The following TMEM117 variants were observed in gnomAD, a reference collection of about 807,000 sequenced individuals.
TMEM117 encodes transmembrane protein 117.
Under a neutral mutation model 52.4 loss-of-function variants are expected in TMEM117, and 27 were observed. That is an observed-to-expected ratio of 0.51 (90% confidence interval 0.38 to 0.71). TMEM117 has a LOEUF of 0.71. TMEM117 is among the 30% of genes least tolerant of loss of function. TMEM117 has a pLI of 0.00. For synonymous variants in TMEM117, 215 were observed against 206.3 expected (o/e 1.04, Z -0.36); for missense variants, 556 against 630.5 (o/e 0.88, Z 1.26).
At chr12:43,930,873 G>C (rs1944860688) in intron 2 of TMEM117, among the ~76,000 whole-genome samples, 1 of 152,172 alleles carries the variant, frequency 6.6e-6, no homozygotes, top group African/African-American at 2.4e-5. Context: ...TTGCAGGAAG[G>C]AGGAAATCAG....
At chr12:43,815,554 G>A in the TMEM117 span, among the ~76,000 whole-genome samples, 1 of 152,192 alleles carries the variant, frequency 6.6e-6, no homozygotes, top group African/African-American at 2.4e-5. Flanking sequence ...AAAATACCAG[G>A]AAACAGCAAC....
intron 3 of TMEM117, among the ~76,000 whole-genome samples, chr12:44,135,496 T>C (rs1948476858): frequency 6.6e-6 from 1 of 152,162 alleles, no homozygotes; most frequent in African/African-American, 2.4e-5. Flanking sequence ...ACAGTTCCCT[T>C]CTCCCTTCCC....
At chr12:43,812,614 T>A in the TMEM117 span, among the ~76,000 whole-genome samples, 10,065 of 152,270 alleles carry the variant, frequency 0.066, 409 homozygotes, top group Middle Eastern at 0.099. Context: ...AGGTTCTTGT[T>A]TCTGCTCCCG....
intron 3 of TMEM117, among the ~76,000 whole-genome samples, chr12:44,012,054 A>G (rs1419244944): frequency 1.3e-5 from 2 of 152,202 alleles, no homozygotes; most frequent in Non-Finnish European, 2.9e-5. Context: ...CTGTTGACAG[A>G]GGGCAACTGA....
intron 2 of TMEM117, among the ~76,000 whole-genome samples, chr12:43,894,206 G>T (rs776022083): frequency 2.2e-4 from 33 of 152,086 alleles, no homozygotes; most frequent in Admixed American, 2.0e-4. Flanking sequence ...GCCACCTTGG[G>T]GACAGCTACC....
At chr12:44,216,253 G>A (rs563166197) in intron 5 of TMEM117, among the ~76,000 whole-genome samples, 15 of 152,010 alleles carry the variant, frequency 9.9e-5, no homozygotes, top group East Asian at 3.9e-4. Flanking sequence ...CGATCTGCCC[G>A]CCTTGGCCTC....
At chr12:44,282,936 T>C (rs1169308518) in intron 5 of TMEM117, among the ~76,000 whole-genome samples, 1 of 152,204 alleles carries the variant, frequency 6.6e-6, no homozygotes, top group Non-Finnish European at 1.5e-5. Flanking sequence ...TGGTGCCCTG[T>C]GACCCAGCCA....
chr12:43,858,344 A>G (rs1943433997), intron 2 of TMEM117, among the ~76,000 whole-genome samples: 1 of 151,894 alleles, frequency 6.6e-6, no homozygotes, highest in South Asian at 2.1e-4. Context: ...TTAGGACCGG[A>G]TTGTGCTAGG....
chr12:44,266,219 A>G (rs1950375715), intron 5 of TMEM117, among the ~76,000 whole-genome samples: 1 of 152,160 alleles, frequency 6.6e-6, no homozygotes, highest in Non-Finnish European at 1.5e-5. Context: ...TGCTTACCAA[A>G]CTGGCTATAG....
At chr12:44,209,408 A>G (rs1263073457) in intron 4 of TMEM117, among the ~76,000 whole-genome samples, 1 of 152,108 alleles carries the variant, frequency 6.6e-6, no homozygotes, top group Non-Finnish European at 1.5e-5. Flanking sequence ...CTGTAATTTA[A>G]AAGGATCAAG....
intron 3 of TMEM117, among the ~76,000 whole-genome samples, chr12:43,981,678 A>G (rs1223445054): frequency 6.6e-6 from 1 of 152,244 alleles, no homozygotes; most frequent in Non-Finnish European, 1.5e-5. Context: ...AAAAGATACA[A>G]GTGTTTGCAA....
rs1450324723 is a variant in TMEM117 at position 44,170,159 on chromosome 12, C to T, written c.510+26535C>T. Among the ~76,000 whole-genome samples the T allele has an allele frequency of 7.2e-5, 11 of 151,912 alleles. No homozygotes were observed. In the East Asian group the frequency reaches 2.1e-3, roughly 29 times the overall value. On this transcript the variant is annotated intron_variant, in intron 4 of 7. Transcript: ENST00000266534. Reference sequence around the variant, plus strand: ...GTCCTTTATAGGGACATGGATGAAGCTGGAAACCATCATTCTCAGCAAACT... The same window carrying T: ...GTCCTTTATAGGGACATGGATGAAGTTGGAAACCATCATTCTCAGCAAACT...
chr12:43,986,418 T>C (rs558675421), intron 3 of TMEM117, among the ~76,000 whole-genome samples: 1 of 152,302 alleles, frequency 6.6e-6, no homozygotes, highest in East Asian at 1.9e-4. Context: ...ACTATTATTT[T>C]CCATCAGCAC....
chr12:43,912,662 AT>A (rs1191778629), intron 2 of TMEM117, among the ~76,000 whole-genome samples: 1 of 151,816 alleles, frequency 6.6e-6, no homozygotes, highest in Non-Finnish European at 1.5e-5. Context: ...ATGAATGAAA[AT>A]AATGGAAATA....
rs146699037 is a variant in TMEM117, at chr12:44,234,239, G to C, written c.608+22852G>C. 6.1e-3 allele frequency among the ~76,000 whole-genome samples: 929 copies of C among 151,530 alleles called. 12 individuals are homozygous for C. Among genetic ancestry groups the C allele is most frequent in the Non-Finnish European group, 5.9e-3 (400 of 67,492 alleles). On this transcript the variant is annotated intron_variant, in intron 5 of 7. Coordinates refer to ENST00000266534, the MANE Select transcript of TMEM117 (RefSeq NM_032256.3). ...CATTTGGGACAAGAGCTTTTTCTATGAGAAATTTTCTTTATTAATTATTCA... is the reference window on the plus strand; with the variant it reads ...CATTTGGGACAAGAGCTTTTTCTATCAGAAATTTTCTTTATTAATTATTCA...
At chr12:43,909,770 T>C (rs1245463925) in intron 2 of TMEM117, among the ~76,000 whole-genome samples, 11 of 144,938 alleles carry the variant, frequency 7.6e-5, no homozygotes, top group African/African-American at 2.7e-4. Flanking sequence ...CCTCGACACA[T>C]ACACTCTCCC....
At chr12:44,217,215 C>A (rs1209903371) in intron 5 of TMEM117, among the ~76,000 whole-genome samples, 14 of 152,090 alleles carry the variant, frequency 9.2e-5, no homozygotes, top group Admixed American at 9.2e-4. Context: ...AGTAGTTTGA[C>A]GTCCTCTACA....
intron 6 of TMEM117, among the ~76,000 whole-genome samples, chr12:44,332,150 G>A (rs932058909): frequency 2.0e-4 from 30 of 151,932 alleles, no homozygotes; most frequent in African/African-American, 7.0e-4. Context: ...TACCAGCTCT[G>A]GCACACTGGC....
intron 3 of TMEM117, among the ~76,000 whole-genome samples, chr12:44,094,501 A>G (rs1355386751): frequency 2.0e-5 from 3 of 152,142 alleles, no homozygotes; most frequent in Non-Finnish European, 4.4e-5. Flanking sequence ...AGAAGGAGTA[A>G]TGAAAGAAAT....
Sources: allele counts gnomAD v4.1 joint callset (sites outside exome capture counted in the v4.1 genomes callset), GRCh38; gene constraint gnomAD v4.1.1; transcripts MANE v1.5; gene names NCBI Gene and HGNC (gene_info 2026-07-23, HGNC 2026-07-21).